RAB38: variants seen among roughly 807,000 people sequenced by gnomAD.
The protein encoded by RAB38 is ras-related protein Rab-38.
In RAB38, 15 loss-of-function variants were observed where a neutral mutation model predicts 18.4. The observed-to-expected ratio is 0.82, with a 90% confidence interval of 0.55 to 1.26. The LOEUF is 1.26. Ranked by LOEUF, RAB38 falls within the 50% of genes most tolerant of loss-of-function variation. RAB38 has a pLI of 0.00. For synonymous variants in RAB38, 101 were observed against 104.4 expected (o/e 0.97, Z 0.20); for missense variants, 294 against 267.4 (o/e 1.10, Z -0.69).
chr11:88,145,546 G>T (rs1284357333), intron 2 of RAB38, among the ~76,000 whole-genome samples: 1 of 152,120 alleles, frequency 6.6e-6, no homozygotes, highest in African/African-American at 2.4e-5. Context: ...CAGGCAATGG[G>T]CACCAAGAAT....
At chr11:88,139,460 CTATATTG>C (rs1265110884) in intron 2 of RAB38, among the ~76,000 whole-genome samples, 1 of 152,214 alleles carries the variant, frequency 6.6e-6, no homozygotes, top group Non-Finnish European at 1.5e-5. Context: ...GAACTTCATA[CTATATTG>C]TAAATATTTG....
chr11:88,004,017 C>A, the RAB38 span, among the ~76,000 whole-genome samples: 1 of 132,234 alleles, frequency 7.6e-6, no homozygotes. Context: ...GGTATATGTA[C>A]CTTCTCTTCT....
chr11:88,022,130 C>T, the RAB38 span, among the ~76,000 whole-genome samples: 1 of 152,012 alleles, frequency 6.6e-6, no homozygotes, highest in African/African-American at 2.4e-5. Flanking sequence ...TTCAACAACA[C>T]ATTGGAAAGA....
the RAB38 span, among the ~76,000 whole-genome samples, chr11:87,862,087 T>C: frequency 6.6e-6 from 1 of 151,938 alleles, no homozygotes; most frequent in Non-Finnish European, 1.5e-5. Flanking sequence ...AGTTAAACTA[T>C]TGTGGAAGAC....
chr11:88,103,733 A>G, the RAB38 span, among the ~76,000 whole-genome samples: 3 of 152,084 alleles, frequency 2.0e-5, no homozygotes, highest in Non-Finnish European at 4.4e-5. Context: ...TCTTTTCCTT[A>G]GTTTTAAATT....
At chr11:87,813,053 A>AT in the RAB38 span, among the ~76,000 whole-genome samples, 1 of 152,178 alleles carries the variant, frequency 6.6e-6, no homozygotes, top group Non-Finnish European at 1.5e-5. Context: ...GCCAAACAGG[A>AT]TTTTTTACCA....
At chr11:87,898,582 AG>A in the RAB38 span, among the ~76,000 whole-genome samples, 1 of 151,734 alleles carries the variant, frequency 6.6e-6, no homozygotes, top group African/African-American at 2.4e-5. Flanking sequence ...GGCACATACT[AG>A]GTGCCTAATA....
chr11:87,975,665 AAATTATTG>A, the RAB38 span, among the ~76,000 whole-genome samples: 1 of 151,866 alleles, frequency 6.6e-6, no homozygotes, highest in South Asian at 2.1e-4. Flanking sequence ...GGATTAAATG[AAATTATTG>A]AGAGATTCCT....
the RAB38 span, among the ~76,000 whole-genome samples, chr11:87,956,521 T>C: frequency 2.0e-5 from 3 of 152,080 alleles, no homozygotes; most frequent in African/African-American, 4.8e-5. Flanking sequence ...TCAGATGCCA[T>C]AGTAGGAGAT....
the RAB38 span, among the ~76,000 whole-genome samples, chr11:87,906,626 G>C: frequency 6.6e-6 from 1 of 151,852 alleles, no homozygotes; most frequent in Non-Finnish European, 1.5e-5. Context: ...TAAAATCCAA[G>C]TAGTACAAGA....
At chr11:88,048,459 T>C in the RAB38 span, among the ~76,000 whole-genome samples, 2 of 152,174 alleles carry the variant, frequency 1.3e-5, no homozygotes. Flanking sequence ...AATGGTCTTT[T>C]AAAGACACAC....
chr11:87,944,677 T>G, the RAB38 span, among the ~76,000 whole-genome samples: 207 of 152,282 alleles, frequency 1.4e-3, 1 homozygote, highest in African/African-American at 4.5e-3. Context: ...TCTTTTCTAC[T>G]CTATACCTTC....
chr11:87,889,701 G>A, the RAB38 span, among the ~76,000 whole-genome samples: 1 of 151,790 alleles, frequency 6.6e-6, no homozygotes, highest in African/African-American at 2.4e-5. Context: ...AGAAGTGTCA[G>A]GTTTGAATCC....
chr11:87,918,463 T>A, the RAB38 span, among the ~76,000 whole-genome samples: 1 of 152,152 alleles, frequency 6.6e-6, no homozygotes, highest in Non-Finnish European at 1.5e-5. Context: ...CCAAACTGTT[T>A]CCCATAATGA....
intron 2 of RAB38, chr11:88,115,847 T>C (rs1376402432): frequency 6.6e-6 from 1 of 152,226 alleles, no homozygotes; most frequent in Non-Finnish European, 1.5e-5. Flanking sequence ...AGTAATCTTA[T>C]TTAATCCCAT....
chr11:87,861,504 A>G, the RAB38 span, among the ~76,000 whole-genome samples: 1 of 151,928 alleles, frequency 6.6e-6, no homozygotes, highest in African/African-American at 2.4e-5. Flanking sequence ...TGGGCTAGTC[A>G]AAGCAAACAA....
chr11:88,063,731 A>T, the RAB38 span, among the ~76,000 whole-genome samples: 108 of 152,278 alleles, frequency 7.1e-4, no homozygotes, highest in Middle Eastern at 0.01. Flanking sequence ...TATTGGTTTT[A>T]AAAAGGAGAG....
chr11:88,156,899 C>T (rs1943134164), intron 1 of RAB38, among the ~76,000 whole-genome samples: 2 of 152,054 alleles, frequency 1.3e-5, no homozygotes, highest in Non-Finnish European at 2.9e-5. Context: ...AAGTACGTAG[C>T]CCACAGGCCC....
chr11:87,885,099 G>C, the RAB38 span, among the ~76,000 whole-genome samples: 1 of 151,968 alleles, frequency 6.6e-6, no homozygotes, highest in African/African-American at 2.4e-5. Context: ...CATGTAATCA[G>C]AATTGGGAAC....
Sources: allele counts gnomAD v4.1 joint callset (sites outside exome capture counted in the v4.1 genomes callset), GRCh38; gene constraint gnomAD v4.1.1; transcripts MANE v1.5; gene names NCBI Gene and HGNC (gene_info 2026-07-23, HGNC 2026-07-21).